GRIK2: variants seen among roughly 807,000 people sequenced by gnomAD.
GRIK2 encodes the protein glutamate ionotropic receptor kainate type subunit 2, also known as glutamate receptor ionotropic, kainate 2.
Under a neutral mutation model 100.3 loss-of-function variants are expected in GRIK2, and 32 were observed. The observed-to-expected ratio is 0.32, with a 90% CI of 0.24 to 0.43. GRIK2 has a LOEUF of 0.43. Among genes scored for constraint, GRIK2 ranks in the 20% least tolerant of loss-of-function variants. The probability of loss-of-function intolerance (pLI) is 1.00; values close to 1 mark genes in which losing one functional copy is unlikely to be tolerated. For synonymous variants in GRIK2, 417 were observed against 389.4 expected (o/e 1.07, Z -0.83); for missense variants, 843 against 1,114.9 (o/e 0.76, Z 3.47).
intron 2 of GRIK2, among the ~76,000 whole-genome samples, chr6:101,450,193 A>G (rs1341850893): frequency 6.6e-6 from 1 of 151,694 alleles, no homozygotes; most frequent in African/African-American, 2.4e-5. Flanking sequence ...CACAAATCAC[A>G]TATCACATCC....
chr6:102,030,962 C>T (rs1330867512), intron 14 of GRIK2, among the ~76,000 whole-genome samples: 1 of 150,994 alleles, frequency 6.6e-6, no homozygotes, highest in African/African-American at 2.4e-5. Flanking sequence ...AAAATTTGAT[C>T]TTCTTTCAGT....
chr6:101,957,662 G>A (rs1792023354), intron 14 of GRIK2, among the ~76,000 whole-genome samples: 1 of 151,932 alleles, frequency 6.6e-6, no homozygotes. Flanking sequence ...TATAGTTTCA[G>A]ATCTTACATT....
intron 2 of GRIK2, among the ~76,000 whole-genome samples, chr6:101,422,895 C>T (rs1237240439): frequency 1.3e-5 from 2 of 152,082 alleles, no homozygotes; most frequent in African/African-American, 4.8e-5. Context: ...TGTATATTTT[C>T]CTTGGTTTAC....
intron 14 of GRIK2, among the ~76,000 whole-genome samples, chr6:101,958,989 A>T (rs9498765): frequency 0.016 from 2,481 of 151,934 alleles, 69 homozygotes; most frequent in African/African-American, 0.058. Context: ...ATAGTTTTCT[A>T]TTTTTGTGGT....
At chr6:101,410,065 C>G (rs1383321999) in intron 2 of GRIK2, among the ~76,000 whole-genome samples, 1 of 152,012 alleles carries the variant, frequency 6.6e-6, no homozygotes, top group African/African-American at 2.4e-5. Flanking sequence ...AACATCATGA[C>G]TTTAATTGGT....
In GRIK2 at chr6:101,928,457, G is replaced by C; in HGVS notation, c.1910G>C (p.Gly637Ala). The C allele has an allele frequency of 1.9e-6, 3 of 1,608,262 alleles. No individual in the cohort carries two copies. Among genetic ancestry groups the C allele is most frequent in the Non-Finnish European group, 2.6e-6 (3 of 1,174,736 alleles). The change falls in exon 14 of 17, where the codon GGA becomes GCA. Residue 637 changes from glycine to alanine, a missense_variant. This residue lies in a region of GRIK2 where 237 missense variants were observed against 388.0 expected (regional missense o/e 0.61). Coordinates refer to ENST00000369134, the MANE Select transcript of GRIK2 (RefSeq NM_021956.5). ...MPKALSTRIVGGIWWFFTLII... is the reference protein window; with the variant it reads ...MPKALSTRIVAGIWWFFTLII... ...AAAGCACTGTCCACCAGGATAGTGGGAGGCATTTGGTGGTTTTTCACACTT... is the reference window on the plus strand; with the variant it reads ...AAAGCACTGTCCACCAGGATAGTGGCAGGCATTTGGTGGTTTTTCACACTT...
chr6:102,003,320 G>A (rs973912488), intron 14 of GRIK2, among the ~76,000 whole-genome samples: 10 of 151,604 alleles, frequency 6.6e-5, no homozygotes, highest in African/African-American at 2.4e-4. Flanking sequence ...AATGGAATGC[G>A]AGTGCATATA....
intron 14 of GRIK2, among the ~76,000 whole-genome samples, chr6:102,015,741 C>G (rs973839768): frequency 1.3e-5 from 2 of 152,214 alleles, no homozygotes; most frequent in African/African-American, 4.8e-5. Flanking sequence ...GCTGGCACCA[C>G]CCTTCAGAGT....
rs886457263 is a variant in GRIK2 at position 101,399,164 on chromosome 6, A to G, written c.-114A>G. The G allele has an allele frequency of 3.5e-5, 25 of 705,066 alleles. No individual in the cohort carries two copies. Among genetic ancestry groups the G allele is most frequent in the Non-Finnish European group, 3.2e-5 (12 of 380,878 alleles). 43.7% of individuals were successfully genotyped at this position (705,066 alleles called of 1,614,324 possible). On this transcript the variant is annotated 5_prime_UTR_variant, in exon 2 of 17. An upstream start codon of the reference 5' UTR is lost. Transcript: ENST00000369134. ...GAGACTCCTTCCTCTCTCTATGACC[A>G]TGCCGTGATCGTGTCTGCGGTCACC...
chr6:101,858,864 T>C (rs910721358), intron 10 of GRIK2, among the ~76,000 whole-genome samples: 4 of 152,002 alleles, frequency 2.6e-5, no homozygotes, highest in South Asian at 2.1e-4. Flanking sequence ...ATTTTATCCA[T>C]AGATCCCATG....
intron 2 of GRIK2, among the ~76,000 whole-genome samples, chr6:101,535,303 G>A (rs894273689): frequency 6.6e-6 from 1 of 151,690 alleles, no homozygotes; most frequent in Non-Finnish European, 1.5e-5. Flanking sequence ...CTTAAACTGA[G>A]ATTACATCAG....
intron 2 of GRIK2, among the ~76,000 whole-genome samples, chr6:101,449,036 A>C (rs552631384): frequency 2.7e-4 from 41 of 151,658 alleles, no homozygotes; most frequent in Admixed American, 7.9e-4. Context: ...CATTATGTTT[A>C]GTTTTCTTAT....
In GRIK2 at chr6:101,584,651, A is replaced by G. The variant is rs376353570; in HGVS notation, c.116-37298A>G. On this transcript the variant is annotated intron_variant, in intron 2 of 16. Transcript: ENST00000369134. ...TTACTAGCTCCTTCTGTACTGTACA[A>G]TTGTTTCAATTTGTACATCTTTAGA... is the stretch of plus-strand genomic sequence containing the variant. Among the ~76,000 whole-genome samples the G allele has an allele frequency of 8.5e-5, 13 of 152,130 alleles. No homozygotes were observed. In the East Asian group the frequency reaches 1.2e-3, roughly 14 times the overall value.
rs756364686 is a variant in GRIK2 at position 101,859,512 on chromosome 6, G to A, written c.1524+19G>A. On this transcript the variant is annotated intron_variant, in intron 11 of 16. Coordinates refer to ENST00000369134, the MANE Select transcript of GRIK2 (RefSeq NM_021956.5). The stretch of plus-strand genomic sequence containing the variant: ...TGATCATGTAAGTCCCTTCCCTCAT[G>A]ATTTATTAGTTTGTTATGTTGCTAC... 54 of 1,399,632 alleles carry A rather than the reference G, an allele frequency of 3.9e-5. 1 individual carries two copies. Among genetic ancestry groups the A allele is most frequent in the Non-Finnish European group, 5.2e-5 (52 of 990,586 alleles). 86.7% of individuals were successfully genotyped at this position (1,399,632 alleles called of 1,614,324 possible). A position where few individuals can be genotyped will look rare whatever the true frequency, so the allele number is the denominator to read the frequency against.
intron 2 of GRIK2, among the ~76,000 whole-genome samples, chr6:101,571,231 T>C (rs495535): frequency 0.36 from 54,561 of 151,892 alleles, 10,798 homozygotes; most frequent in African/African-American, 0.54. Context: ...AACAGTTGGT[T>C]TACACGTGCC....
chr6:101,622,744 G>A (rs73761372), intron 3 of GRIK2, among the ~76,000 whole-genome samples: 1 of 151,682 alleles, frequency 6.6e-6, no homozygotes, highest in Non-Finnish European at 1.5e-5. Flanking sequence ...TATAACTGTT[G>A]TAAATGTCAA....
chr6:101,878,834 C>T (rs560379338), intron 11 of GRIK2, among the ~76,000 whole-genome samples: 1 of 152,080 alleles, frequency 6.6e-6, no homozygotes, highest in African/African-American at 2.4e-5. Context: ...TCTCACACTC[C>T]ACTTATTTTA....
rs1007666542 is a variant in GRIK2 at position 101,445,887 on chromosome 6, AT to A, written c.115+46497del. Among the ~76,000 whole-genome samples, 10 of 152,188 alleles carry A rather than the reference AT, an allele frequency of 6.6e-5. No individual in the cohort carries two copies. The South Asian group carries it at 2.1e-3, about 32-fold the overall frequency. On this transcript the variant is annotated intron_variant, in intron 2 of 16. Transcript: ENST00000369134. The stretch of plus-strand genomic sequence containing the variant: ...ACTTGCCTTGTTTACACTAATGGAC[AT>A]TGCAAATACTTAGTGAGATAATGTG...
intron 2 of GRIK2, among the ~76,000 whole-genome samples, chr6:101,549,792 G>T (rs1338288932): frequency 3.3e-5 from 5 of 152,136 alleles, no homozygotes; most frequent in Non-Finnish European, 7.4e-5. Flanking sequence ...TCAGTGTCTT[G>T]AGTGCTTTAC....
Sources: allele counts gnomAD v4.1 joint callset (sites outside exome capture counted in the v4.1 genomes callset), GRCh38; gene constraint gnomAD v4.1.1; regional missense constraint gnomAD v4.1.1; transcripts MANE v1.5; gene names NCBI Gene and HGNC (gene_info 2026-07-23, HGNC 2026-07-21).